Variants in ANKFY1 observed in about 807,000 individuals in gnomAD.
ANKFY1 encodes the protein ankyrin repeat and FYVE domain-containing protein 1.
A neutral mutation model predicts 128.3 loss-of-function variants in ANKFY1; 47 were observed. That is an observed-to-expected ratio of 0.37 (90% CI 0.29 to 0.47). The LOEUF (loss-of-function observed/expected upper bound fraction) is 0.47. ANKFY1 is among the 20% of genes least tolerant of loss of function. The pLI is 1.00. For missense variants in ANKFY1, 1,222 were observed against 1,510.6 expected, an observed-to-expected ratio of 0.81 and a Z score of 3.17; for synonymous variants, 553 against 601.6, an observed-to-expected ratio of 0.92 and a Z score of 1.18.
At chr17:4,184,506 A>G (rs1470662760) in intron 12 of ANKFY1, among the ~76,000 whole-genome samples, 1 of 152,232 alleles carries the variant, frequency 6.6e-6, no homozygotes, top group African/African-American at 2.4e-5. Context: ...TCTCAAAGAC[A>G]GTGCTCACAC....
intron 7 of ANKFY1, 28 bp downstream of exon 7, chr17:4,206,293 G>C: frequency 6.3e-7 from 1 of 1,592,202 alleles, no homozygotes; most frequent in Non-Finnish European, 8.6e-7. Flanking sequence ...AAAATTGCCT[G>C]CAGGGAAACA....
chr17:4,223,755 C>T (rs1377893656), intron 3 of ANKFY1: 24 of 1,568,114 alleles, frequency 1.5e-5, no homozygotes, highest in East Asian at 2.2e-5. Context: ...GCCTTAGATC[C>T]GGGGGAGAGG....
chr17:4,212,231 C>T (rs987621384), intron 4 of ANKFY1, among the ~76,000 whole-genome samples: 1 of 152,198 alleles, frequency 6.6e-6, no homozygotes, highest in Admixed American at 6.5e-5. Context: ...CCATTGTTTT[C>T]CCTGCCAGCA....
At chr17:4,211,440 C>T (rs1257278790) in intron 4 of ANKFY1, among the ~76,000 whole-genome samples, 4 of 151,602 alleles carry the variant, frequency 2.6e-5, no homozygotes, top group African/African-American at 9.7e-5. Context: ...CATAGTACAC[C>T]CCCCACACCA....
chr17:4,187,146 C>T (rs1002263082), intron 11 of ANKFY1: 14 of 621,938 alleles, frequency 2.3e-5, no homozygotes, highest in Non-Finnish European at 2.8e-5. Flanking sequence ...TATCCCCCAC[C>T]GCCCTCCCAA....
chr17:4,187,124 G>C, intron 11 of ANKFY1: 1 of 773,554 alleles, frequency 1.3e-6, no homozygotes, highest in Non-Finnish European at 1.8e-6. Context: ...ACTGTACCCA[G>C]TATCACCCTT....
At chr17:4,212,649 T>A (rs978415012) in intron 4 of ANKFY1, among the ~76,000 whole-genome samples, 1 of 152,118 alleles carries the variant, frequency 6.6e-6, no homozygotes, top group African/African-American at 2.4e-5. Flanking sequence ...AGCTAGCAGA[T>A]AATTCCCAAT....
At chr17:4,234,240 GAC>G (rs2060564722) in intron 3 of ANKFY1, among the ~76,000 whole-genome samples, 1 of 152,164 alleles carries the variant, frequency 6.6e-6, no homozygotes, top group Non-Finnish European at 1.5e-5. Context: ...ACCACGTAAT[GAC>G]ACATTCTCAG....
chr17:4,210,364 T>C (rs929060252), intron 4 of ANKFY1, among the ~76,000 whole-genome samples: 1 of 152,186 alleles, frequency 6.6e-6, no homozygotes, highest in African/African-American at 2.4e-5. Context: ...CAGTGTGTCT[T>C]AGAAATAGTT....
chr17:4,182,898 G>A, intron 14 of ANKFY1, among the ~76,000 whole-genome samples: 1 of 152,184 alleles, frequency 6.6e-6, no homozygotes, highest in South Asian at 2.1e-4. Flanking sequence ...TTGAGGTCAG[G>A]AGTTCGAGAC....
chr17:4,255,470 G>A (rs1020632123), intron 1 of ANKFY1, among the ~76,000 whole-genome samples: 41 of 152,196 alleles, frequency 2.7e-4, no homozygotes, highest in African/African-American at 9.9e-4. Flanking sequence ...GGCTGGTCTT[G>A]AACTCCTGAC....
chr17:4,260,642 A>C (rs79834085), intron 1 of ANKFY1, among the ~76,000 whole-genome samples: 278 of 139,210 alleles, frequency 2.0e-3, no homozygotes, highest in Middle Eastern at 8.1e-3. Context: ...AAAAAAAAAA[A>C]CCCACAAATG....
At chr17:4,259,012 A>C (rs1416880158) in intron 1 of ANKFY1, among the ~76,000 whole-genome samples, 1 of 152,238 alleles carries the variant, frequency 6.6e-6, no homozygotes, top group African/African-American at 2.4e-5. Flanking sequence ...CTCAAGAGAA[A>C]GACTGTGCAC....
intron 1 of ANKFY1, among the ~76,000 whole-genome samples, chr17:4,243,082 G>C (rs8071335): frequency 6.6e-6 from 1 of 151,860 alleles, no homozygotes; most frequent in Admixed American, 6.5e-5. Flanking sequence ...TTGTTTGTTT[G>C]TTTGAGACAG....
chr17:4,188,567 A>G (rs1324854871), intron 11 of ANKFY1: 2 of 152,260 alleles, frequency 1.3e-5, no homozygotes, highest in African/African-American at 2.4e-5. Context: ...TGAAAATTAA[A>G]AGGGATAATA....
chr17:4,186,421 TA>T (rs113496981), intron 11 of ANKFY1: 371 of 143,664 alleles, frequency 2.6e-3, no homozygotes, highest in Middle Eastern at 7.2e-3. Flanking sequence ...TTGGCTAGCC[TA>T]AAAAAAAAAA....
Position 4,207,871 on chromosome 17 carries a change from C to T in ANKFY1, c.732+62G>A, listed in dbSNP as rs571310581. On this transcript the variant is annotated intron_variant, in intron 6 of 24. Transcript: ENST00000341657. Reference sequence around the variant, plus strand: ...GCTCGGAAGGAAGTGAGAAGTACCACGGAGAAAGACAAGTGCATTAGAGTT... The same window carrying T: ...GCTCGGAAGGAAGTGAGAAGTACCATGGAGAAAGACAAGTGCATTAGAGTT... 23 of 1,479,590 alleles carry T rather than the reference C, an allele frequency of 1.6e-5. No individual in the cohort carries two copies. In the African/African-American group the frequency reaches 2.3e-4, roughly 15 times the overall value. 91.7% of individuals were successfully genotyped at this position (1,479,590 alleles called of 1,614,324 possible).
chr17:4,235,946 G>T, intron 2 of ANKFY1, 56 bp from the exon 3 acceptor site: 1 of 1,286,208 alleles, frequency 7.8e-7, no homozygotes, highest in Non-Finnish European at 1.1e-6. Flanking sequence ...ACTAGGTATA[G>T]CTAGGATTCA....
In ANKFY1 at chr17:4,165,274, A is replaced by T. The variant is rs2142997279; in HGVS notation, c.*2505T>A. On this transcript the variant is annotated 3_prime_UTR_variant, in exon 25 of 25. Transcript: ENST00000341657. The stretch of plus-strand genomic sequence containing the variant: ...GAGCACATTCAGCATAACAATGTTG[A>T]CTGTTGCAGCAAATTATGTTTCAGT... 6.6e-6 allele frequency: 1 copy of T among 152,352 alleles called. No homozygotes were observed. The highest frequency in any genetic ancestry group is 2.4e-5 in the African/African-American group (1 of 41,572). 9.4% of individuals were successfully genotyped at this position (152,352 alleles called of 1,614,324 possible). A position where few individuals can be genotyped will look rare whatever the true frequency, so the allele number is the denominator to read the frequency against.
Sources: gnomAD v4.1 joint callset for allele counts (sites outside exome capture counted in the v4.1 genomes callset) on GRCh38, gnomAD v4.1.1 for gene constraint, MANE v1.5 for transcripts, NCBI Gene and HGNC (gene_info 2026-07-23, HGNC 2026-07-21) for gene names.